Variants in LRRC4C observed in about 807,000 individuals in gnomAD.
The protein encoded by LRRC4C is leucine rich repeat containing 4C.
In LRRC4C, 5 loss-of-function variants were observed where a neutral mutation model predicts 33.6. The observed-to-expected ratio is 0.15, with a 90% CI of 0.08 to 0.31. The LOEUF (loss-of-function observed/expected upper bound fraction) is 0.31. Among genes scored for constraint, LRRC4C ranks in the 10% least tolerant of loss-of-function variants. LRRC4C has a pLI of 1.00. For synonymous variants in LRRC4C, 329 were observed against 302.0 expected (o/e 1.09, Z -0.93); for missense variants, 560 against 796.7 (o/e 0.70, Z 3.58).
intron 1 of LRRC4C, among the ~76,000 whole-genome samples, chr11:41,029,044 A>T (rs1324786470): frequency 1.3e-5 from 2 of 151,758 alleles, no homozygotes; most frequent in African/African-American, 4.8e-5. Flanking sequence ...GAAATACTTT[A>T]ACAATTAGCT....
At chr11:40,945,367 C>G (rs1418336965) in intron 1 of LRRC4C, among the ~76,000 whole-genome samples, 1 of 152,006 alleles carries the variant, frequency 6.6e-6, no homozygotes, top group Non-Finnish European at 1.5e-5. Flanking sequence ...AACAAATCAG[C>G]CAGTGAAGCA....
At chr11:41,174,860 C>G (rs1945128325) in intron 1 of LRRC4C, among the ~76,000 whole-genome samples, 1 of 152,022 alleles carries the variant, frequency 6.6e-6, no homozygotes, top group South Asian at 2.1e-4. Flanking sequence ...ATTTCTAAAA[C>G]TGAACCATTT....
intron 3 of LRRC4C, among the ~76,000 whole-genome samples, chr11:40,647,463 T>C (rs1942537872): frequency 6.6e-6 from 1 of 152,182 alleles, no homozygotes; most frequent in Admixed American, 6.5e-5. Flanking sequence ...TGACTCTTGA[T>C]GGTATAACAA....
intron 3 of LRRC4C, among the ~76,000 whole-genome samples, chr11:40,529,486 G>C (rs1287367923): frequency 6.6e-6 from 1 of 152,058 alleles, no homozygotes; most frequent in Non-Finnish European, 1.5e-5. Context: ...CTAGGAGACA[G>C]ATGGATCATA....
At chr11:40,168,537 C>T (rs1475115223) in intron 5 of LRRC4C, among the ~76,000 whole-genome samples, 1 of 152,204 alleles carries the variant, frequency 6.6e-6, no homozygotes. Flanking sequence ...CAAGAGGCTT[C>T]CTTTGAGCTG....
In LRRC4C at chr11:40,981,563, T is replaced by A. The variant is rs368420815; in HGVS notation, c.-495-47840A>T. Among the ~76,000 whole-genome samples the A allele has an allele frequency of 1.2e-4, 19 of 152,300 alleles. 1 individual carries two copies. The East Asian group carries it at 3.7e-3, about 29-fold the overall frequency. ...TCTCTGACTCAAACTGGGAAAAGGA[T>A]AGTGTCCAGACAAAAGTTTTCCTGG... On this transcript the variant is annotated intron_variant, in intron 1 of 6. Transcript: ENST00000528697.
intron 3 of LRRC4C, among the ~76,000 whole-genome samples, chr11:40,419,129 A>T (rs1281816642): frequency 6.6e-6 from 1 of 152,138 alleles, no homozygotes; most frequent in African/African-American, 2.4e-5. Context: ...CTGGAACTTA[A>T]AATAAAAAGA....
At chr11:40,420,825 A>G (rs887798258) in intron 3 of LRRC4C, among the ~76,000 whole-genome samples, 20 of 152,204 alleles carry the variant, frequency 1.3e-4, no homozygotes, top group Non-Finnish European at 2.5e-4. Flanking sequence ...TAACTATGAC[A>G]TACTACATCC....
At chr11:40,766,353 T>TAAAA (rs60152534) in intron 2 of LRRC4C, among the ~76,000 whole-genome samples, 769 of 33,900 alleles carry the variant, frequency 0.023, 43 homozygotes, top group African/African-American at 0.032. Flanking sequence ...TTCAGTCTGT[T>TAAAA]AAAAAAAAAA....
intron 1 of LRRC4C, among the ~76,000 whole-genome samples, chr11:41,023,151 G>A (rs1856100630): frequency 6.6e-6 from 1 of 151,688 alleles, no homozygotes; most frequent in Non-Finnish European, 1.5e-5. Flanking sequence ...TCAAGCCCTG[G>A]CCCTGTCTTT....
At chr11:41,206,087 A>G (rs954725021) in intron 1 of LRRC4C, among the ~76,000 whole-genome samples, 1 of 152,146 alleles carries the variant, frequency 6.6e-6, no homozygotes, top group African/African-American at 2.4e-5. Flanking sequence ...GCTTTTTATG[A>G]CAATTTCATA....
intron 2 of LRRC4C, among the ~76,000 whole-genome samples, chr11:40,750,321 T>C (rs11512274): frequency 0.1 from 15,522 of 152,010 alleles, 962 homozygotes; most frequent in Middle Eastern, 0.14. Context: ...TCCAAAAAAT[T>C]GAAGAGGAGG....
intron 2 of LRRC4C, among the ~76,000 whole-genome samples, chr11:40,866,172 A>AG: frequency 6.6e-6 from 1 of 151,052 alleles, no homozygotes; most frequent in Admixed American, 6.6e-5. Flanking sequence ...TTCTACTTAA[A>AG]AAAAAAAAAA....
intron 6 of LRRC4C, among the ~76,000 whole-genome samples, chr11:40,131,081 A>C: frequency 6.6e-6 from 1 of 152,194 alleles, no homozygotes; most frequent in East Asian, 1.9e-4. Flanking sequence ...AAGTTTTCTC[A>C]AAGACAGAAA....
chr11:40,542,730 C>T (rs11035913), intron 3 of LRRC4C, among the ~76,000 whole-genome samples: 12,532 of 151,966 alleles, frequency 0.082, 1,460 homozygotes, highest in African/African-American at 0.26. Flanking sequence ...TGTGTATGGC[C>T]CAGACCCACA....
At chr11:40,347,444 G>A (rs1947185538) in intron 3 of LRRC4C, among the ~76,000 whole-genome samples, 1 of 152,058 alleles carries the variant, frequency 6.6e-6, no homozygotes, top group Admixed American at 6.6e-5. Flanking sequence ...TATCATTCAT[G>A]TGTTCGCTGA....
intron 2 of LRRC4C, among the ~76,000 whole-genome samples, chr11:40,813,690 C>A (rs1478728661): frequency 6.6e-6 from 1 of 152,028 alleles, no homozygotes; most frequent in Non-Finnish European, 1.5e-5. Flanking sequence ...TGCCTATGAT[C>A]CTGTAAAATC....
chr11:41,214,229 G>A (rs918327746), intron 1 of LRRC4C, among the ~76,000 whole-genome samples: 2 of 152,090 alleles, frequency 1.3e-5, no homozygotes, highest in Admixed American at 1.3e-4. Flanking sequence ...CTCAGAATGA[G>A]TTATGACAAC....
intron 5 of LRRC4C, among the ~76,000 whole-genome samples, chr11:40,237,402 G>A (rs953984047): frequency 1.3e-5 from 2 of 152,236 alleles, no homozygotes; most frequent in Non-Finnish European, 2.9e-5. Context: ...CCTCAGCTCT[G>A]CTGGGCAGTG....
Sources: gnomAD v4.1 joint callset for allele counts (sites outside exome capture counted in the v4.1 genomes callset) on GRCh38, gnomAD v4.1.1 for gene constraint, MANE v1.5 for transcripts, NCBI Gene and HGNC (gene_info 2026-07-23, HGNC 2026-07-21) for gene names.